Variants in PXYLP1 observed in about 807,000 individuals in gnomAD.
PXYLP1 encodes the protein acid phosphatase-like 2.
A neutral mutation model predicts 37.9 loss-of-function variants in PXYLP1; 17 were observed. That is an observed-to-expected ratio of 0.45 (90% CI 0.31 to 0.67). The LOEUF is 0.67. Among genes scored for constraint, PXYLP1 ranks in the 30% least tolerant of loss-of-function variants. The pLI is 0.07. For missense variants in PXYLP1, 511 were observed against 612.0 expected (o/e 0.84, Z 1.74); for synonymous variants, 221 against 232.2 (o/e 0.95, Z 0.44).
At chr3:141,281,111 T>C (rs1279145169) in intron 4 of PXYLP1, among the ~76,000 whole-genome samples, 1 of 152,258 alleles carries the variant, frequency 6.6e-6, no homozygotes, top group Admixed American at 6.5e-5. Context: ...GAATTAAATA[T>C]GCTTTTCTAC....
chr3:141,259,250 A>T (rs1037449447), intron 1 of PXYLP1, among the ~76,000 whole-genome samples: 2 of 152,228 alleles, frequency 1.3e-5, no homozygotes, highest in Admixed American at 1.3e-4. Context: ...CAAGTTTGAA[A>T]TTACCGTTAC....
chr3:141,250,682 T>C (rs1010631689), intron 1 of PXYLP1, among the ~76,000 whole-genome samples: 1 of 152,198 alleles, frequency 6.6e-6, no homozygotes, highest in African/African-American at 2.4e-5. Context: ...AGTATGGCTG[T>C]GATGCCTGGC....
chr3:141,234,261 C>T (rs1940607104), intron 1 of PXYLP1: 1 of 152,074 alleles, frequency 6.6e-6, no homozygotes, highest in African/African-American at 2.4e-5. Flanking sequence ...TCGTTAACCT[C>T]AGTGGGGACT....
At chr3:141,262,075 G>A in intron 2 of PXYLP1, 1 of 161,732 alleles carries the variant, frequency 6.2e-6, no homozygotes, top group Non-Finnish European at 1.3e-5. Context: ...TGAGTACACA[G>A]AGGAACATGG....
At chr3:141,285,144 CTTTTTTTTTT>C (rs147495598) in intron 4 of PXYLP1, among the ~76,000 whole-genome samples, 1,197 of 78,808 alleles carry the variant, frequency 0.015, 11 homozygotes, top group Admixed American at 0.027. Context: ...TTTTCTTTTT[CTTTTTTTTTT>C]TTTTTTTTTT....
chr3:141,287,193 G>A, intron 4 of PXYLP1, 121 bp from the exon 5 acceptor site: 4 of 983,436 alleles, frequency 4.1e-6, no homozygotes, highest in Non-Finnish European at 4.6e-6. Context: ...GATTGAGCCG[G>A]TACCTGTTAC....
intron 5 of PXYLP1, among the ~76,000 whole-genome samples, chr3:141,287,866 G>C (rs1490945176): frequency 6.6e-6 from 1 of 152,110 alleles, no homozygotes; most frequent in Non-Finnish European, 1.5e-5. Flanking sequence ...ATGAATAACT[G>C]TTTATCCACT....
At chr3:141,246,253 G>C (rs978603508) in intron 1 of PXYLP1, among the ~76,000 whole-genome samples, 1 of 152,142 alleles carries the variant, frequency 6.6e-6, no homozygotes. Flanking sequence ...TCTGACAGGC[G>C]GTCAGTCAGC....
rs1050893796 is a variant in PXYLP1 at position 141,240,294 on chromosome 3, A to G, written c.-54+8383A>G. On this transcript the variant is annotated intron_variant, in intron 1 of 5. Transcript: ENST00000286353. ...ACTGAGGAAGGCTCACTGCTTAAAC[A>G]AAGTATGTTTAATGGTTCAAATATG... Among the ~76,000 whole-genome samples, 12 of 152,316 alleles carry G rather than the reference A, an allele frequency of 7.9e-5. No individual in the cohort carries two copies. In the East Asian group the frequency reaches 2.3e-3, roughly 29 times the overall value.
chr3:141,246,814 T>C (rs1940970635), intron 1 of PXYLP1, among the ~76,000 whole-genome samples: 1 of 152,248 alleles, frequency 6.6e-6, no homozygotes, highest in African/African-American at 2.4e-5. Context: ...ATTTTACACT[T>C]ATCCTCATAG....
chr3:141,268,727 A>T (rs1245219253), intron 2 of PXYLP1, among the ~76,000 whole-genome samples: 1 of 152,152 alleles, frequency 6.6e-6, no homozygotes, highest in African/African-American at 2.4e-5. Context: ...GGACTGCCTC[A>T]CCATCCTGCC....
chr3:141,278,256 A>G (rs1941845694), intron 2 of PXYLP1, 86 bp from the exon 3 acceptor site: 3 of 1,482,424 alleles, frequency 2.0e-6, no homozygotes, highest in Non-Finnish European at 2.8e-6. Flanking sequence ...TAGCTCCTCA[A>G]AGTGAAATCC....
rs541579769 is a variant in PXYLP1, at chr3:141,287,329, A to C, written c.381A>C (p.Pro127=). The change falls in exon 5 of 6, where the codon CCA becomes CCC. Residue 127 remains proline (P), a synonymous_variant. Transcript: ENST00000286353. The stretch of plus-strand genomic sequence containing the variant: ...ATCTCTCTAGGAAACCGTATCACCC[A>C]AAACTGGAAGCTTTCATTAGTCACA... ...TLVANRKPYH[P]KLEAFISHMS... The C allele has an allele frequency of 6.2e-7, 1 of 1,614,170 alleles. No individual in the cohort carries two copies. The highest frequency in any genetic ancestry group is 8.5e-7 in the Non-Finnish European group (1 of 1,180,016).
Position 141,260,506 on chromosome 3 carries a change from G to C in PXYLP1, c.79+252G>C, listed in dbSNP as rs368545539. ...CCAGATTTTTTGTTCAGATTCACCA[G>C]ATGGAGACACTGAGTGGCCCTGCTT... is the stretch of plus-strand genomic sequence containing the variant. On this transcript the variant is annotated intron_variant, in intron 2 of 5. Coordinates refer to ENST00000286353, the MANE Select transcript of PXYLP1 (RefSeq NM_001037172.3). Among the ~76,000 whole-genome samples, 23 of 152,336 alleles carry C rather than the reference G, an allele frequency of 1.5e-4. 2 individuals carry two copies. The highest frequency in any genetic ancestry group is 5.5e-4 in the African/African-American group (23 of 41,568).
At chr3:141,262,990 A>G (rs185021951) in intron 2 of PXYLP1, among the ~76,000 whole-genome samples, 1 of 152,364 alleles carries the variant, frequency 6.6e-6, no homozygotes, top group East Asian at 1.9e-4. Context: ...GCAACTAAGT[A>G]TAACTCGGTT....
rs112198149 is a variant in PXYLP1, at chr3:141,278,355, G to A, written c.93G>A (p.Pro31=). Residue 31 remains proline (P), a synonymous_variant, in exon 3 of 6, where the codon CCG becomes CCA. Transcript: ENST00000286353. ...SLSLQFFHLI[P]VSTPKNGMSS... is the part of the protein sequence containing the mutation. ...ACTTCGTTTCAGTCCACCTGATCCC[G>A]GTGTCGACTCCTAAGAATGGAATGA... is the stretch of plus-strand genomic sequence containing the variant. The A allele has an allele frequency of 5.8e-5, 93 of 1,614,182 alleles. 1 individual carries two copies. The highest frequency in any genetic ancestry group is 2.2e-4 in the South Asian group (20 of 91,080).
chr3:141,237,491 C>G (rs747052719), intron 1 of PXYLP1, among the ~76,000 whole-genome samples: 2 of 152,208 alleles, frequency 1.3e-5, no homozygotes, highest in Non-Finnish European at 2.9e-5. Context: ...CAAGTTACTT[C>G]TCTGTGCCAG....
chr3:141,250,655 G>C (rs1266587953), intron 1 of PXYLP1, among the ~76,000 whole-genome samples: 1 of 152,230 alleles, frequency 6.6e-6, no homozygotes, highest in Non-Finnish European at 1.5e-5. Flanking sequence ...TATCCCTTCT[G>C]CCTTTGCCCA....
Position 141,293,293 on chromosome 3 carries a change from G to C in PXYLP1, c.*88G>C. On this transcript the variant is annotated 3_prime_UTR_variant, in exon 6 of 6. Transcript: ENST00000286353. ...CTAGTTTTGTCTGTTACTAAGGGTAGAAGATTATTGCTTTTTAAAGGCTAA... is the reference window on the plus strand; with the variant it reads ...CTAGTTTTGTCTGTTACTAAGGGTACAAGATTATTGCTTTTTAAAGGCTAA... The C allele has an allele frequency of 7.7e-7, 1 of 1,306,222 alleles. No individual in the cohort carries two copies. The highest frequency in any genetic ancestry group is 1.5e-5 in the South Asian group (1 of 67,072). 80.9% of individuals were successfully genotyped at this position (1,306,222 alleles called of 1,614,324 possible).
Sources: allele counts gnomAD v4.1 joint callset (sites outside exome capture counted in the v4.1 genomes callset), GRCh38; gene constraint gnomAD v4.1.1; transcripts MANE v1.5; gene names NCBI Gene and HGNC (gene_info 2026-07-23, HGNC 2026-07-21).